Variants in KIF5A observed in about 807,000 individuals in gnomAD.
KIF5A encodes the protein kinesin heavy chain isoform 5A.
KIF5A carries 35 observed loss-of-function variants against 141.3 expected under a neutral mutation model. The observed-to-expected ratio is 0.25, with a 90% CI of 0.19 to 0.33. The LOEUF (loss-of-function observed/expected upper bound fraction) is 0.33, where lower values mean the gene tolerates loss of function less well. KIF5A is among the 10% of genes least tolerant of loss of function. The pLI is 1.00. For synonymous variants in KIF5A, 448 were observed against 500.2 expected (o/e 0.90, Z 1.39); for missense variants, 861 against 1,314.3 (o/e 0.66, Z 5.33).
In KIF5A at chr12:57,580,997, A is replaced by G; in HGVS notation, c.2580A>G (p.Lys860=). ...DNADLRCELP[K]LEKRLRATAE... is the part of the protein sequence containing the mutation. ...CAGATCTGCGTTGTGAGCTTCCTAA[A>G]TTGGAAAAACGACTTAGGGCTACGG... Residue 860 remains lysine (K), a synonymous_variant, in exon 24 of 29, where the codon AAA becomes AAG. Coordinates refer to ENST00000455537, the MANE Select transcript of KIF5A (RefSeq NM_004984.4). The G allele has an allele frequency of 6.2e-7, 1 of 1,614,000 alleles. No homozygotes were observed. Among genetic ancestry groups the G allele is most frequent in the Non-Finnish European group, 8.5e-7 (1 of 1,179,968 alleles).
At position 57,572,293 on chromosome 12, in the gene KIF5A, A is replaced by T; in HGVS notation, c.1569+26A>T. ...GTAAGTGGTGTGCCAATGGTCCAAC[A>T]GCTCCCTGACCACAGAACATCTCCC... On this transcript the variant is annotated intron_variant, in intron 14 of 28. Coordinates refer to ENST00000455537, the MANE Select transcript of KIF5A (RefSeq NM_004984.4). This position sits in a 1 kb window ranked among gnomAD's most constrained non-coding sequence, Gnocchi z 4.2. 3 of 1,560,352 alleles carry T rather than the reference A, an allele frequency of 1.9e-6. No individual in the cohort carries two copies. Among genetic ancestry groups the T allele is most frequent in the Non-Finnish European group, 2.6e-6 (3 of 1,151,110 alleles).
In KIF5A at chr12:57,582,620, A is replaced by C; in HGVS notation, c.3011A>C (p.Asn1004Thr). The C allele has an allele frequency of 6.2e-7, 1 of 1,611,216 alleles. No homozygotes were observed. The highest frequency in any genetic ancestry group is 8.5e-7 in the Non-Finnish European group (1 of 1,177,352). The change falls in exon 27 of 29, where the codon AAT becomes ACT. Residue 1004 changes from asparagine to threonine, a missense_variant. Around this residue, in one of 5 missense-constraint regions of KIF5A, gnomAD observed 482 missense variants for 661.3 expected, o/e 0.73. Coordinates refer to ENST00000455537, the MANE Select transcript of KIF5A (RefSeq NM_004984.4). Reference sequence around the variant, plus strand: ...TCTTCAGGAAATGCCACAGATATCAATGACAATAGGTACAACAGTCCCCAC... The same window carrying C: ...TCTTCAGGAAATGCCACAGATATCACTGACAATAGGTACAACAGTCCCCAC... ...NMDNGNATDI[N>T]DNRSDLPCGY...
rs766360685 is a variant in KIF5A at position 57,571,399 on chromosome 12, G to A, written c.1362+10G>A. The A allele has an allele frequency of 3.1e-6, 5 of 1,613,358 alleles. No individual in the cohort carries two copies. The highest frequency in any genetic ancestry group is 1.3e-5 in the African/African-American group (1 of 74,898). On this transcript the variant is annotated intron_variant, in intron 13 of 28. Transcript: ENST00000455537. ...GCTGGACCAGGAAGAGGTAATAGGA[G>A]GGAGGGCAGGACATGAGAGGAAAGG... is the stretch of plus-strand genomic sequence containing the variant.
At chr12:57,580,845 C>A in intron 23 of KIF5A, 111 bp from the exon 24 acceptor site, 2 of 941,336 alleles carry the variant, frequency 2.1e-6, no homozygotes, top group East Asian at 2.6e-5. Context: ...TTCTCTGACT[C>A]CTGATTTTTC....
Position 57,576,398 on chromosome 12 carries a change from A to T in KIF5A, c.2198+20A>T, listed in dbSNP as rs1468603921. 4 of 1,586,876 alleles carry T rather than the reference A, an allele frequency of 2.5e-6. No homozygotes were observed. The African/African-American group carries it at 4.0e-5, about 16-fold the overall frequency. On this transcript the variant is annotated intron_variant, in intron 19 of 28. Coordinates refer to ENST00000455537, the MANE Select transcript of KIF5A (RefSeq NM_004984.4). ...CAAAGAGTAAGGGTTCCCAAGGGCG[A>T]CTCCAGCCCCTCCCGGGTCCTGTCA...
chr12:57,571,932 G>T, intron 13 of KIF5A, 129 bp from the exon 14 acceptor site: 1 of 767,522 alleles, frequency 1.3e-6, no homozygotes, highest in Non-Finnish European at 2.2e-6. Flanking sequence ...CTATTTCTAT[G>T]AAACCTAAAG....
intron 6 of KIF5A, among the ~76,000 whole-genome samples, chr12:57,566,786 A>G (rs563060674): frequency 6.6e-6 from 1 of 151,994 alleles, no homozygotes; most frequent in Non-Finnish European, 1.5e-5. Flanking sequence ...TCAAGCCTGT[A>G]ATCCCAGCAC....
rs1233214204 is a variant in KIF5A at position 57,578,223 on chromosome 12, T to C, written c.2434-15T>C. On this transcript the variant is annotated splice_polypyrimidine_tract_variant and intron_variant, in intron 22 of 28. Transcript: ENST00000455537. ...GCCTCAGGACAGCCACGTCTTTCCT[T>C]CTATCTGTTCTCAGAGTGCAGAAAT... The C allele has an allele frequency of 3.1e-6, 5 of 1,609,864 alleles. No individual in the cohort carries two copies. The East Asian group carries it at 1.1e-4, about 36-fold the overall frequency.
chr12:57,585,051 G>C lies in KIF5A; in HGVS notation c.*870G>C, dbSNP rs1193012799. The C allele has an allele frequency of 1.3e-5, 2 of 152,240 alleles. No homozygotes were observed. The highest frequency in any genetic ancestry group is 4.8e-5 in the African/African-American group (2 of 41,452). The allele number at this position is 152,240 out of a possible 1,614,324, so 9.4% of individuals were successfully genotyped here. A position where few individuals can be genotyped will look rare whatever the true frequency, so the allele number is the denominator to read the frequency against. On this transcript the variant is annotated 3_prime_UTR_variant, in exon 29 of 29. Transcript: ENST00000455537. Reference sequence around the variant, plus strand: ...TGTCCATGGAGATGGTTACAGGCAGGTGTAGTCAAAATGATTGATTCCTTG... The same window carrying C: ...TGTCCATGGAGATGGTTACAGGCAGCTGTAGTCAAAATGATTGATTCCTTG...
chr12:57,574,952 G>C, intron 15 of KIF5A, 132 bp from the exon 16 acceptor site: 1 of 779,886 alleles, frequency 1.3e-6, no homozygotes, highest in Non-Finnish European at 2.2e-6. Flanking sequence ...GCTGCTAAAG[G>C]TCGTTTGGAA....
At chr12:57,578,114 A>G in intron 22 of KIF5A, 34 bp downstream of exon 22, 2 of 1,597,282 alleles carry the variant, frequency 1.3e-6, no homozygotes, top group Non-Finnish European at 1.7e-6. Flanking sequence ...GTCAGCCCCC[A>G]CATCCTCCTC....
chr12:57,584,020 G>T (rs1201360309), intron 28 of KIF5A, among the ~76,000 whole-genome samples, 198 bp from the exon 29 acceptor site: 1 of 152,080 alleles, frequency 6.6e-6, no homozygotes, highest in East Asian at 1.9e-4. Flanking sequence ...CAGAGAAGTA[G>T]GAATGCAGAA....
intron 1 of KIF5A, among the ~76,000 whole-genome samples, chr12:57,559,463 CATTA>C (rs1051844075): frequency 5.9e-5 from 9 of 152,182 alleles, no homozygotes; most frequent in Middle Eastern, 3.4e-3. Context: ...TGAGGTCGAG[CATTA>C]ATTAATATTA....
chr12:57,570,901 C>T (rs922314818), intron 12 of KIF5A, among the ~76,000 whole-genome samples: 1 of 151,994 alleles, frequency 6.6e-6, no homozygotes, highest in African/African-American at 2.4e-5. Context: ...AGGGATCCCC[C>T]CCAACCTCAG....
intron 1 of KIF5A, among the ~76,000 whole-genome samples, chr12:57,557,742 T>G (rs906249300): frequency 2.0e-5 from 3 of 151,716 alleles, no homozygotes; most frequent in African/African-American, 7.3e-5. Flanking sequence ...CAGGCTGGAG[T>G]GTGCAGTGGT....
At position 57,572,155 on chromosome 12, in the gene KIF5A, A is replaced by G. The variant is rs1882275453; in HGVS notation, c.1457A>G (p.Glu486Gly). 5 of 1,614,118 alleles carry G rather than the reference A, an allele frequency of 3.1e-6. No individual in the cohort carries two copies. Among genetic ancestry groups the G allele is most frequent in the Non-Finnish European group, 4.2e-6 (5 of 1,180,000 alleles). Residue 486 changes from glutamate (E) to glycine (G), a missense_variant, in exon 14 of 29, where the codon GAA (glutamate) becomes GGA (glycine). Physicochemically the swap from Glu to Gly is moderately conservative, Grantham distance 98. Around this residue, in one of 5 missense-constraint regions of KIF5A, gnomAD observed 167 missense variants for 192.0 expected, o/e 0.87. Transcript: ENST00000455537. This position sits in a 1 kb window ranked among gnomAD's most constrained non-coding sequence, Gnocchi z 4.2. Reference protein sequence around the residue: ...ENDAAKDEVKEVLQALEELAV... With the variant: ...ENDAAKDEVKGVLQALEELAV... ...GATGCCGCTAAGGATGAGGTGAAGG[A>G]AGTGCTGCAGGCCCTGGAGGAGCTG...
chr12:57,559,378 T>C (rs981932372), intron 1 of KIF5A, among the ~76,000 whole-genome samples: 3 of 152,228 alleles, frequency 2.0e-5, no homozygotes, highest in African/African-American at 7.2e-5. Context: ...TAATGCGTTG[T>C]CTATTTTATT....
In KIF5A at chr12:57,576,744, CT is replaced by C. The variant is rs752973786; in HGVS notation, c.2199-15del. 1 of 1,589,018 alleles carries C rather than the reference CT, an allele frequency of 6.3e-7. No homozygotes were observed. Among genetic ancestry groups the C allele is most frequent in the East Asian group, 2.2e-5 (1 of 44,754 alleles). On this transcript the variant is annotated splice_polypyrimidine_tract_variant and intron_variant, in intron 19 of 28. Coordinates refer to ENST00000455537, the MANE Select transcript of KIF5A (RefSeq NM_004984.4). ...CATCTTTCTCCCCCATCTCCATTAC[CT>C]TCTGATGCTCTGTAGCCTAAATCAG...
At chr12:57,574,562 G>C (rs1008235350) in intron 15 of KIF5A, among the ~76,000 whole-genome samples, 1 of 144,164 alleles carries the variant, frequency 6.9e-6, no homozygotes, top group African/African-American at 2.6e-5. Context: ...GTGAGCCACC[G>C]AGCCCGGCCC....
Sources: gnomAD v4.1 joint callset for allele counts (sites outside exome capture counted in the v4.1 genomes callset) on GRCh38, gnomAD v4.1.1 for gene constraint, gnomAD v4.1.1 regional missense constraint, Gnocchi (gnomAD v3.1) non-coding constraint, MANE v1.5 for transcripts, NCBI Gene and HGNC (gene_info 2026-07-23, HGNC 2026-07-21) for gene names.